The following RBFOX1 variants were observed in gnomAD, a reference collection of about 807,000 sequenced individuals.
RBFOX1 encodes RNA binding fox-1 homolog 1.
Under a neutral mutation model 57.7 loss-of-function variants are expected in RBFOX1, and 8 were observed. That is an observed-to-expected ratio of 0.14 (90% confidence interval 0.08 to 0.25). RBFOX1 has a LOEUF of 0.25. Among genes scored for constraint, RBFOX1 ranks in the 10% least tolerant of loss-of-function variants. The pLI, the probability that RBFOX1 is intolerant of heterozygous loss-of-function variation, is 1.00. For missense variants in RBFOX1, 611 were observed against 548.5 expected, an observed-to-expected ratio of 1.11 and a Z score of -1.14; for synonymous variants, 326 against 222.4, an observed-to-expected ratio of 1.47 and a Z score of -4.15.
chr16:6,479,583 G>C (rs1016755154), intron 2 of RBFOX1, among the ~76,000 whole-genome samples: 1 of 151,850 alleles, frequency 6.6e-6, no homozygotes, highest in African/African-American at 2.4e-5. Context: ...ACGAGATGCT[G>C]TCTCAAAAAA....
chr16:7,700,304 C>A (rs763708031), intron 14 of RBFOX1, among the ~76,000 whole-genome samples: 3 of 152,178 alleles, frequency 2.0e-5, no homozygotes, highest in African/African-American at 4.8e-5. Flanking sequence ...ACCCTCCTCT[C>A]ACCCTCACTG....
At chr16:5,508,306 T>C (rs966345037) in intron 2 of RBFOX1, among the ~76,000 whole-genome samples, 1 of 152,120 alleles carries the variant, frequency 6.6e-6, no homozygotes, top group African/African-American at 2.4e-5. Context: ...CCACTGACAT[T>C]GCTCAGGGGC....
intron 2 of RBFOX1, among the ~76,000 whole-genome samples, chr16:6,505,437 G>C (rs1299058184): frequency 6.6e-6 from 1 of 152,178 alleles, no homozygotes; most frequent in Non-Finnish European, 1.5e-5. Context: ...ATTACATCCA[G>C]GAGGAATGTG....
chr16:5,943,806 C>T (rs982433290), intron 4 of RBFOX1, among the ~76,000 whole-genome samples: 2 of 152,152 alleles, frequency 1.3e-5, no homozygotes, highest in African/African-American at 4.8e-5. Context: ...TCTATTCACC[C>T]ACCTACCCAC....
intron 2 of RBFOX1, among the ~76,000 whole-genome samples, chr16:6,583,697 A>T (rs1448481860): frequency 6.6e-6 from 1 of 152,198 alleles, no homozygotes; most frequent in Non-Finnish European, 1.5e-5. Flanking sequence ...TGGCTCAGAA[A>T]ACTGAACTGA....
chr16:7,693,067 CAT>C (rs952531370), intron 14 of RBFOX1, among the ~76,000 whole-genome samples: 17 of 152,078 alleles, frequency 1.1e-4, no homozygotes, highest in African/African-American at 4.1e-4. Context: ...TTTGGTAACA[CAT>C]AGTATTAATA....
chr16:5,285,356 G>A (rs1185913813), intron 1 of RBFOX1, among the ~76,000 whole-genome samples: 1 of 134,954 alleles, frequency 7.4e-6, no homozygotes, highest in South Asian at 2.6e-4. Flanking sequence ...ATCATGAATT[G>A]TTTTCCTGAT....
intron 4 of RBFOX1, among the ~76,000 whole-genome samples, chr16:7,120,649 A>G (rs1172221428): frequency 6.6e-6 from 1 of 151,118 alleles, no homozygotes; most frequent in African/African-American, 2.4e-5. Context: ...AAATTTTCAG[A>G]CACAAATGGT....
chr16:6,307,365 G>T (rs946859919), intron 1 of RBFOX1, among the ~76,000 whole-genome samples: 5 of 151,086 alleles, frequency 3.3e-5, no homozygotes, highest in Non-Finnish European at 7.4e-5. Context: ...CTGGGTGACA[G>T]AGAGAGACTC....
At chr16:6,919,609 T>G (rs2074008689) in intron 3 of RBFOX1, among the ~76,000 whole-genome samples, 1 of 152,088 alleles carries the variant, frequency 6.6e-6, no homozygotes, top group African/African-American at 2.4e-5. Flanking sequence ...CCTGGTATCT[T>G]CGAACAAGTA....
At chr16:6,901,883 A>C (rs946449891) in intron 3 of RBFOX1, among the ~76,000 whole-genome samples, 4 of 152,198 alleles carry the variant, frequency 2.6e-5, no homozygotes, top group African/African-American at 9.6e-5. Context: ...ATGTGAGCCT[A>C]AGTGATGAAC....
chr16:7,683,347 C>T (rs1009672187), intron 14 of RBFOX1, among the ~76,000 whole-genome samples: 1 of 151,762 alleles, frequency 6.6e-6, no homozygotes, highest in South Asian at 2.1e-4. Context: ...GACAGACACA[C>T]ACACGTTAAA....
chr16:7,279,583 C>T (rs531045424), intron 4 of RBFOX1, among the ~76,000 whole-genome samples: 6 of 152,206 alleles, frequency 3.9e-5, no homozygotes, highest in Middle Eastern at 3.4e-3. Flanking sequence ...GCCAGGGCCA[C>T]GTTAGACATC....
intron 2 of RBFOX1, among the ~76,000 whole-genome samples, chr16:6,618,556 C>G (rs761494493): frequency 1.3e-5 from 2 of 152,144 alleles, no homozygotes; most frequent in African/African-American, 4.8e-5. Context: ...GTCTCTGGAA[C>G]AAATGCTGAC....
At chr16:5,827,445 A>T (rs113783519) in intron 3 of RBFOX1, among the ~76,000 whole-genome samples, 1 of 151,722 alleles carries the variant, frequency 6.6e-6, no homozygotes, top group Admixed American at 6.6e-5. Flanking sequence ...TGCATTGAAC[A>T]ACTCATATTC....
chr16:6,807,896 T>TTGTG (rs35350222), intron 3 of RBFOX1, among the ~76,000 whole-genome samples: 2 of 148,362 alleles, frequency 1.3e-5, no homozygotes, highest in South Asian at 2.1e-4. Flanking sequence ...ATATATATTA[T>TTGTG]TGTGTGTGTG....
intron 4 of RBFOX1, among the ~76,000 whole-genome samples, chr16:7,162,042 G>C (rs757225279): frequency 4.6e-5 from 7 of 152,184 alleles, no homozygotes; most frequent in Non-Finnish European, 7.3e-5. Flanking sequence ...ACTGTAACAA[G>C]AGCCTGTTTC....
intron 2 of RBFOX1, among the ~76,000 whole-genome samples, chr16:6,628,258 T>C (rs2098336547): frequency 6.6e-6 from 1 of 152,222 alleles, no homozygotes. Flanking sequence ...ACGTAAATTT[T>C]GCACCTTGCT....
intron 2 of RBFOX1, among the ~76,000 whole-genome samples, chr16:6,511,830 T>A (rs2096261083): frequency 1.3e-5 from 2 of 152,340 alleles, no homozygotes; most frequent in Admixed American, 1.3e-4. Flanking sequence ...AGACTTGAAG[T>A]CACGGCTTTC....
Sources: gnomAD v4.1 joint callset for allele counts (sites outside exome capture counted in the v4.1 genomes callset) on GRCh38, gnomAD v4.1.1 for gene constraint, MANE v1.5 for transcripts, NCBI Gene and HGNC (gene_info 2026-07-23, HGNC 2026-07-21) for gene names.